The following RANBP2 variants were observed in gnomAD, a reference collection of about 807,000 sequenced individuals.
RANBP2 encodes RAN binding protein 2.
A neutral mutation model predicts 303.6 loss-of-function variants in RANBP2; 57 were observed. That is an observed-to-expected ratio of 0.19 (90% confidence interval 0.15 to 0.23). The LOEUF (loss-of-function observed/expected upper bound fraction) is 0.23. Ranked by LOEUF, RANBP2 falls within the 10% of genes least tolerant of loss-of-function variation. The probability of loss-of-function intolerance (pLI) is 1.00; values close to 1 mark genes in which losing one functional copy is unlikely to be tolerated. For synonymous variants in RANBP2, 1,167 were observed against 1,301.5 expected (o/e 0.90, Z 2.23); for missense variants, 3,138 against 3,780.8 (o/e 0.83, Z 4.46).
the RANBP2 span, chr2:108,794,683 A>G: frequency 1.9e-6 from 3 of 1,613,750 alleles, no homozygotes; most frequent in Admixed American, 1.7e-5. Flanking sequence ...GATCAGTCAG[A>G]TATATGACGA....
the RANBP2 span, among the ~76,000 whole-genome samples, chr2:109,387,454 T>G: frequency 2.4e-4 from 36 of 152,296 alleles, no homozygotes; most frequent in Admixed American, 1.3e-3. Context: ...CCAGCCACTC[T>G]GGCCTTCTTG....
At chr2:109,637,532 C>T in the RANBP2 span, among the ~76,000 whole-genome samples, 1 of 152,190 alleles carries the variant, frequency 6.6e-6, no homozygotes, top group South Asian at 2.1e-4. Context: ...GAGTTCCCTG[C>T]GGCTTTCTGC....
the RANBP2 span, among the ~76,000 whole-genome samples, chr2:109,641,995 G>A: frequency 3.3e-5 from 5 of 152,186 alleles, no homozygotes; most frequent in South Asian, 4.2e-4. Context: ...TAGTAGAGAC[G>A]GGGTTTCATC....
At chr2:108,906,520 C>T in the RANBP2 span, 63 of 827,130 alleles carry the variant, frequency 7.6e-5, no homozygotes, top group Admixed American at 9.0e-4. Context: ...CCCTGACACA[C>T]AGGGAGGAGG....
At chr2:108,909,856 G>A in the RANBP2 span, among the ~76,000 whole-genome samples, 1 of 152,224 alleles carries the variant, frequency 6.6e-6, no homozygotes, top group African/African-American at 2.4e-5. Context: ...GGCTCCTTGG[G>A]AGCCTGGACT....
chr2:109,729,590 C>T, the RANBP2 span, among the ~76,000 whole-genome samples: 1 of 152,116 alleles, frequency 6.6e-6, no homozygotes, highest in Non-Finnish European at 1.5e-5. Context: ...GTGGAGGTTG[C>T]AGTGAGCCGA....
the RANBP2 span, among the ~76,000 whole-genome samples, chr2:109,066,316 C>T: frequency 2.6e-5 from 4 of 152,064 alleles, no homozygotes; most frequent in East Asian, 7.7e-4. Context: ...ACCATGTTGG[C>T]CAGGCTGGTC....
chr2:109,186,847 C>G, the RANBP2 span, among the ~76,000 whole-genome samples: 36 of 152,302 alleles, frequency 2.4e-4, no homozygotes, highest in South Asian at 6.0e-3. Flanking sequence ...GCTATGGGGT[C>G]AGAGTTCAGT....
chr2:108,831,429 T>C, the RANBP2 span, among the ~76,000 whole-genome samples: 1 of 152,182 alleles, frequency 6.6e-6, no homozygotes, highest in African/African-American at 2.4e-5. Context: ...TACTTTTTTA[T>C]TATGTTTGGA....
the RANBP2 span, among the ~76,000 whole-genome samples, chr2:109,413,254 A>G: frequency 8.7e-4 from 132 of 152,274 alleles, no homozygotes; most frequent in Admixed American, 2.0e-3. Context: ...AACTGGGATT[A>G]CAGGTGCTTG....
At chr2:109,120,501 A>T in the RANBP2 span, among the ~76,000 whole-genome samples, 1 of 151,756 alleles carries the variant, frequency 6.6e-6, no homozygotes, top group Non-Finnish European at 1.5e-5. Context: ...ACCGCCCTCC[A>T]CCCCCAGGGT....
At chr2:109,434,891 G>T in the RANBP2 span, among the ~76,000 whole-genome samples, 6 of 152,208 alleles carry the variant, frequency 3.9e-5, no homozygotes, top group Non-Finnish European at 8.8e-5. Flanking sequence ...TGATCAAAAT[G>T]TCTCCTCAAG....
chr2:108,961,655 A>G, the RANBP2 span, among the ~76,000 whole-genome samples: 1 of 152,164 alleles, frequency 6.6e-6, no homozygotes, highest in East Asian at 1.9e-4. Context: ...CTGAAACTCT[A>G]TGGTCAGAAC....
the RANBP2 span, among the ~76,000 whole-genome samples, chr2:109,420,801 A>G: frequency 2.6e-5 from 4 of 152,208 alleles, no homozygotes; most frequent in African/African-American, 9.6e-5. Context: ...CCAAGCTTCA[A>G]AAGGTCTAGA....
chr2:109,489,878 C>A, the RANBP2 span, among the ~76,000 whole-genome samples: 1 of 152,198 alleles, frequency 6.6e-6, no homozygotes, highest in Non-Finnish European at 1.5e-5. Flanking sequence ...TCTGGGATTA[C>A]AGGCAAGTGC....
At chr2:109,573,277 T>C in the RANBP2 span, among the ~76,000 whole-genome samples, 2 of 152,206 alleles carry the variant, frequency 1.3e-5, no homozygotes, top group Non-Finnish European at 2.9e-5. Context: ...AGAGCCAATA[T>C]TTAGAGCCGT....
At chr2:108,879,119 C>A in the RANBP2 span, among the ~76,000 whole-genome samples, 2 of 152,222 alleles carry the variant, frequency 1.3e-5, no homozygotes, top group African/African-American at 4.8e-5. Flanking sequence ...ACTAGCAAAC[C>A]GTTGCAGTCT....
At chr2:109,250,202 T>C in the RANBP2 span, among the ~76,000 whole-genome samples, 3 of 152,052 alleles carry the variant, frequency 2.0e-5, no homozygotes, top group African/African-American at 7.2e-5. Flanking sequence ...GGTTTTGATA[T>C]AATTCAGGAA....
the RANBP2 span, among the ~76,000 whole-genome samples, chr2:109,442,846 C>T: frequency 6.6e-6 from 1 of 152,110 alleles, no homozygotes; most frequent in East Asian, 1.9e-4. Flanking sequence ...AGGTTTAAAC[C>T]TAATCATGTA....
Sources: gnomAD v4.1 joint callset for allele counts (sites outside exome capture counted in the v4.1 genomes callset) on GRCh38, gnomAD v4.1.1 for gene constraint, MANE v1.5 for transcripts, NCBI Gene and HGNC (gene_info 2026-07-23, HGNC 2026-07-21) for gene names.